The following MGAM variants were observed in gnomAD, a reference collection of about 807,000 sequenced individuals.
MGAM encodes the protein alpha-1,4-glucosidase.
In MGAM, 253 loss-of-function variants were observed where a neutral mutation model predicts 358.8. The observed-to-expected ratio is 0.71, with a 90% CI of 0.64 to 0.78. MGAM has a LOEUF of 0.78. Among genes scored for constraint, MGAM ranks in the 30% least tolerant of loss-of-function variants. The pLI is 0.00. For missense variants in MGAM, 3,080 were observed against 3,432.6 expected (o/e 0.90, Z 2.57); for synonymous variants, 1,105 against 1,227.1 (o/e 0.90, Z 2.08).
At chr7:142,025,691 G>A (rs905418303) in intron 8 of MGAM, among the ~76,000 whole-genome samples, 24 of 152,140 alleles carry the variant, frequency 1.6e-4, no homozygotes, top group Non-Finnish European at 3.2e-4. Flanking sequence ...TGGCGAGTAA[G>A]CAATGCTGTA....
At chr7:142,045,155 GAT>G (rs537869512) in intron 21 of MGAM, among the ~76,000 whole-genome samples, 6,216 of 61,438 alleles carry the variant, frequency 0.1, 839 homozygotes, top group African/African-American at 0.31. Context: ...TCATATATGT[GAT>G]ATATAATATA....
intron 7 of MGAM, among the ~76,000 whole-genome samples, chr7:142,023,227 A>C (rs1806624666): frequency 6.6e-6 from 1 of 151,740 alleles, no homozygotes; most frequent in African/African-American, 2.4e-5. Flanking sequence ...TGCCTGGCCA[A>C]ATTTTTGTAT....
In MGAM at chr7:142,040,381, A is replaced by T. The variant is rs557721442; in HGVS notation, c.2373+210A>T. ...GTGAAAAAATACCTTCATATACTTT[A>T]TTTAGCAATAAGATAGGCTGACATA... On this transcript the variant is annotated intron_variant, in intron 20 of 70. Transcript: ENST00000475668. 1.3e-4 allele frequency: 75 copies of T among 591,380 alleles called. No homozygotes were observed. The East Asian group carries it at 2.0e-3, about 16-fold the overall frequency. 36.6% of individuals were successfully genotyped at this position (591,380 alleles called of 1,614,324 possible).
intron 24 of MGAM, among the ~76,000 whole-genome samples, 185 bp from the exon 25 acceptor site, chr7:142,052,109 C>T (rs1229580021): frequency 6.6e-6 from 1 of 152,126 alleles, no homozygotes; most frequent in African/African-American, 2.4e-5. Context: ...AGACATTTGA[C>T]CTGTTGCTGC....
intron 18 of MGAM, among the ~76,000 whole-genome samples, chr7:142,037,428 G>T (rs1808092153): frequency 6.6e-6 from 1 of 152,200 alleles, no homozygotes; most frequent in Non-Finnish European, 1.5e-5. Context: ...TATTATAAAG[G>T]ATTTGTAGAA....
chr7:142,105,564 C>T (rs537855892), intron 70 of MGAM, among the ~76,000 whole-genome samples: 6 of 152,240 alleles, frequency 3.9e-5, no homozygotes, highest in East Asian at 1.9e-4. Context: ...TTGGGATTAC[C>T]GGCGTGAGCC....
At chr7:141,990,549 C>T (rs543216268) in intron 2 of MGAM, among the ~76,000 whole-genome samples, 15 of 152,152 alleles carry the variant, frequency 9.9e-5, no homozygotes, top group African/African-American at 2.7e-4. Flanking sequence ...ATGCTAGAAT[C>T]TCTGCATTGT....
intron 1 of MGAM, among the ~76,000 whole-genome samples, chr7:141,999,309 G>T (rs527394023): frequency 6.6e-6 from 1 of 152,098 alleles, no homozygotes. Flanking sequence ...ACGTGCTATG[G>T]GCCATAAACT....
rs1554462944 is a variant in MGAM, at chr7:142,030,503, G to A, written c.1353+10G>A. The A allele has an allele frequency of 6.2e-7, 1 of 1,613,398 alleles. No individual in the cohort carries two copies. The highest frequency in any genetic ancestry group is 8.5e-7 in the Non-Finnish European group (1 of 1,179,598). On this transcript the variant is annotated intron_variant, in intron 11 of 70. Coordinates refer to ENST00000475668, the MANE Select transcript of MGAM (RefSeq NM_001365693.1). ...GCTTGTCATCATTGTGGTATGTACTGCCCTCTTTCCACCAAATTAGGTATT... is the reference window on the plus strand; with the variant it reads ...GCTTGTCATCATTGTGGTATGTACTACCCTCTTTCCACCAAATTAGGTATT...
chr7:142,010,471 G>T (rs1230616145), intron 3 of MGAM, among the ~76,000 whole-genome samples: 1 of 151,784 alleles, frequency 6.6e-6, no homozygotes. Context: ...TATCCCTTTG[G>T]CCAGTATTCC....
chr7:142,105,392 A>G (rs1816763957), intron 70 of MGAM, among the ~76,000 whole-genome samples: 1 of 151,610 alleles, frequency 6.6e-6, no homozygotes, highest in Admixed American at 6.6e-5. Context: ...AGTTCAAGTG[A>G]TTCTCCTGGC....
intron 22 of MGAM, among the ~76,000 whole-genome samples, chr7:142,048,679 A>G (rs572546119): frequency 1.3e-5 from 2 of 152,232 alleles, no homozygotes; most frequent in Admixed American, 6.5e-5. Context: ...CCCTTGAGGC[A>G]TATGCCTTGG....
chr7:142,042,995 TATA>T (rs1446767419), intron 21 of MGAM, among the ~76,000 whole-genome samples: 2 of 92,000 alleles, frequency 2.2e-5, no homozygotes, highest in African/African-American at 5.2e-5. Context: ...TATATATACA[TATA>T]ATATCTAAAT....
chr7:141,993,963 C>A (rs1386952526), upstream of MGAM, among the ~76,000 whole-genome samples: 3 of 152,186 alleles, frequency 2.0e-5, no homozygotes, highest in African/African-American at 7.2e-5. Context: ...ACAACCTCCG[C>A]CTCCTGGGTT....
Position 142,078,381 on chromosome 7 carries a change from A to G in MGAM, c.5557A>G (p.Lys1853Glu). ...AGCATACACAGTGGAGTGGAGCATA[A>G]AGATAAGGGATGAAGAAAAAATAGA... ...GEAYTVEWSI[K>E]IRDEEKIDCY... Residue 1853 changes from lysine (K) to glutamate (E), a missense_variant, in exon 48 of 71, where the codon AAG (lysine) becomes GAG (glutamate). Lys to Glu is a moderately conservative substitution (Grantham distance 56). Around this residue, in one of 5 missense-constraint regions of MGAM, gnomAD observed 932 missense variants for 1,198.2 expected, o/e 0.78. Transcript: ENST00000475668. 6.6e-7 allele frequency: 1 copy of G among 1,524,228 alleles called. No individual in the cohort carries two copies. Among genetic ancestry groups the G allele is most frequent in the Non-Finnish European group, 9.0e-7 (1 of 1,114,722 alleles). 94.4% of individuals were successfully genotyped at this position (1,524,228 alleles called of 1,614,324 possible). A position where few individuals can be genotyped will look rare whatever the true frequency, so the allele number is the denominator to read the frequency against.
upstream of MGAM, among the ~76,000 whole-genome samples, chr7:141,994,337 A>T (rs1554447962): frequency 6.6e-6 from 1 of 152,190 alleles, no homozygotes; most frequent in Non-Finnish European, 1.5e-5. Context: ...AAAACTTCTC[A>T]ATCCCCTCTC....
intron 2 of MGAM, among the ~76,000 whole-genome samples, chr7:141,987,939 A>G (rs1554446526): frequency 3.9e-5 from 6 of 152,142 alleles, no homozygotes; most frequent in Non-Finnish European, 7.3e-5. Context: ...CATGGGCATT[A>G]AAAATACCTG....
At chr7:142,093,655 A>G in intron 60 of MGAM, 105 bp downstream of exon 60, 1 of 1,212,942 alleles carries the variant, frequency 8.2e-7, no homozygotes, top group Non-Finnish European at 1.1e-6. Flanking sequence ...AGGGTTAAGA[A>G]GATTCTCATG....
In MGAM at chr7:142,059,877, G is replaced by A. The variant is rs1811941680; in HGVS notation, c.3970G>A (p.Glu1324Lys). 6.2e-7 allele frequency: 1 copy of A among 1,610,478 alleles called. No individual in the cohort carries two copies. Among genetic ancestry groups the A allele is most frequent in the East Asian group, 2.2e-5 (1 of 44,796 alleles). The change falls in exon 33 of 71, where the codon GAG (glutamate) becomes AAG (lysine). Residue 1324 changes from glutamate (E) to lysine (K), a missense_variant. Coordinates refer to ENST00000475668, the MANE Select transcript of MGAM (RefSeq NM_001365693.1). ...TCAGGATCCAGCCATTTCTGGCAAT[G>A]AGACACAGCCTTATCCTGCCTTCAC... ...LILDPAISGN[E>K]TQPYPAFTRG...
Sources: gnomAD v4.1 joint callset for allele counts (sites outside exome capture counted in the v4.1 genomes callset) on GRCh38, gnomAD v4.1.1 for gene constraint, gnomAD v4.1.1 regional missense constraint, MANE v1.5 for transcripts, NCBI Gene and HGNC (gene_info 2026-07-23, HGNC 2026-07-21) for gene names.